The following ARID4A variants were observed in gnomAD, a reference collection of about 807,000 sequenced individuals.
The protein encoded by ARID4A is AT-rich interaction domain 4A.
In ARID4A, 39 loss-of-function variants were observed where a neutral mutation model predicts 148.6. That is an observed-to-expected ratio of 0.26 (90% CI 0.20 to 0.34). ARID4A has a LOEUF of 0.34. Among genes scored for constraint, ARID4A ranks in the 10% least tolerant of loss-of-function variants. The pLI, the probability that ARID4A is intolerant of heterozygous loss-of-function variation, is 1.00. For synonymous variants in ARID4A, 475 were observed against 481.2 expected, an observed-to-expected ratio of 0.99 and a Z score of 0.17; for missense variants, 1,265 against 1,449.1, an observed-to-expected ratio of 0.87 and a Z score of 2.06.
At position 58,304,853 on chromosome 14, in the gene ARID4A, G is replaced by A. The variant is rs916599133; in HGVS notation, c.118-91G>A. ...GGGGTCACCACATGGTGCTAAGAAA[G>A]CATAAATTAAAGACATTATTGTTAT... On this transcript the variant is annotated intron_variant, in intron 3 of 23. Coordinates refer to ENST00000355431, the MANE Select transcript of ARID4A (RefSeq NM_002892.4). The A allele has an allele frequency of 8.2e-6, 9 of 1,091,464 alleles. No homozygotes were observed. In the East Asian group the frequency reaches 1.7e-4, roughly 21 times the overall value. 67.6% of individuals were successfully genotyped at this position (1,091,464 alleles called of 1,614,324 possible).
intron 1 of ARID4A, chr14:58,299,460 C>T (rs1566659420): frequency 5.7e-6 from 1 of 175,194 alleles, no homozygotes; most frequent in African/African-American, 2.4e-5. Flanking sequence ...GCGGTCGTCT[C>T]CGCGGGGGAC....
At chr14:58,305,072 T>C in intron 4 of ARID4A, 63 bp downstream of exon 4, 1 of 1,359,312 alleles carries the variant, frequency 7.4e-7, no homozygotes, top group Non-Finnish European at 1.0e-6. Flanking sequence ...TTTACTGAAT[T>C]TACATTTCTA....
chr14:58,333,444 A>G (rs986385206), intron 11 of ARID4A, among the ~76,000 whole-genome samples: 3 of 152,078 alleles, frequency 2.0e-5, no homozygotes, highest in African/African-American at 7.2e-5. Flanking sequence ...AAACTTGAGT[A>G]TTAAGGGGAA....
chr14:58,355,886 T>C (rs572541646), intron 17 of ARID4A, among the ~76,000 whole-genome samples: 1 of 152,356 alleles, frequency 6.6e-6, no homozygotes, highest in Non-Finnish European at 1.5e-5. Flanking sequence ...ATGTTTTACT[T>C]TATGACTCTT....
In ARID4A at chr14:58,366,078, C is replaced by T. The variant is rs1004262506; in HGVS notation, c.3371C>T (p.Thr1124Ile). 5.6e-6 allele frequency: 9 copies of T among 1,613,544 alleles called. No individual in the cohort carries two copies. In the Admixed American group the frequency reaches 1.2e-4, roughly 21 times the overall value. ...LPVLDNSSKC[T>I]PVKHLNVSKP... ...GTCCTAGACAATTCAAGTAAATGTA[C>T]CCCAGTAAAGCATCTTAATGTATCT... The change falls in exon 22 of 24, where the codon ACC becomes ATC. Residue 1124 changes from threonine (T) to isoleucine (I), a missense_variant. By Grantham distance (89) the Thr-to-Ile change is moderately conservative. Coordinates refer to ENST00000355431, the MANE Select transcript of ARID4A (RefSeq NM_002892.4).
Position 58,351,069 on chromosome 14 carries a change from C to T in ARID4A, c.1405-4C>T. ...TATTTTAAAGCTTTTATCCCCTCTACTAGGGACGAAGGAGAATTGCTCGAG... is the reference window on the plus strand; with the variant it reads ...TATTTTAAAGCTTTTATCCCCTCTATTAGGGACGAAGGAGAATTGCTCGAG... On this transcript the variant is annotated splice_polypyrimidine_tract_variant and splice_region_variant and intron_variant, in intron 15 of 23. Coordinates refer to ENST00000355431, the MANE Select transcript of ARID4A (RefSeq NM_002892.4). 1 of 1,586,542 alleles carries T rather than the reference C, an allele frequency of 6.3e-7. No individual in the cohort carries two copies. Among genetic ancestry groups the T allele is most frequent in the Non-Finnish European group, 8.5e-7 (1 of 1,173,422 alleles).
At chr14:58,365,410 C>T in intron 20 of ARID4A, 108 bp from the exon 21 acceptor site, 1 of 1,344,814 alleles carries the variant, frequency 7.4e-7, no homozygotes, top group Non-Finnish European at 9.9e-7. Context: ...TTTCTCTCTT[C>T]TTTTCTTATT....
At chr14:58,338,049 A>G (rs756375942) in intron 11 of ARID4A, among the ~76,000 whole-genome samples, 14 of 152,208 alleles carry the variant, frequency 9.2e-5, no homozygotes, top group Admixed American at 2.0e-4. Context: ...GTTGAGCTGT[A>G]AGATACATTA....
intron 7 of ARID4A, among the ~76,000 whole-genome samples, chr14:58,319,867 T>C (rs2032741883): frequency 6.6e-6 from 1 of 151,724 alleles, no homozygotes; most frequent in Admixed American, 6.6e-5. Context: ...ATACTCTTTA[T>C]CTAGATTTAC....
chr14:58,367,138 G>A, intron 23 of ARID4A, 109 bp downstream of exon 23: 3 of 856,396 alleles, frequency 3.5e-6, no homozygotes, highest in Non-Finnish European at 4.9e-6. Flanking sequence ...ATTAATTGCT[G>A]TTTTTAAATT....
intron 23 of ARID4A, among the ~76,000 whole-genome samples, chr14:58,371,056 G>A (rs1017286532): frequency 1.3e-5 from 2 of 152,244 alleles, no homozygotes; most frequent in African/African-American, 4.8e-5. Context: ...TTGGGAGGCT[G>A]GAGCAGGAAG....
chr14:58,323,421 C>T (rs2033024123), intron 7 of ARID4A, 64 bp from the exon 8 acceptor site: 3 of 1,546,906 alleles, frequency 1.9e-6, no homozygotes, highest in Admixed American at 1.7e-5. Context: ...ATATTAAATT[C>T]ACAATACTCT....
chr14:58,331,202 A>C (rs564363050), intron 11 of ARID4A: 2 of 152,336 alleles, frequency 1.3e-5, no homozygotes, highest in Admixed American at 1.3e-4. Context: ...GGCTGCCTAC[A>C]GAGTTGCCAT....
At chr14:58,301,401 G>C (rs142476450) in intron 2 of ARID4A, among the ~76,000 whole-genome samples, 179 bp from the exon 3 acceptor site, 240 of 152,170 alleles carry the variant, frequency 1.6e-3, no homozygotes, top group African/African-American at 5.4e-3. Flanking sequence ...CAGGACATCA[G>C]TCTATAAAAT....
chr14:58,343,398 A>G (rs2140224970), intron 11 of ARID4A, among the ~76,000 whole-genome samples: 1 of 152,310 alleles, frequency 6.6e-6, no homozygotes, highest in African/African-American at 2.4e-5. Context: ...ATTTTGATCA[A>G]CTACATGCTT....
chr14:58,364,379 G>C lies in ARID4A; in HGVS notation c.2290G>C (p.Glu764Gln), dbSNP rs186386352. ...PLETLKLEVG[E>Q]NEQIVQIFGN... ...AGAAACCCTGAAGTTAGAAGTTGGA[G>C]AGAATGAACAAATAGTACAGATTTT... is the stretch of plus-strand genomic sequence containing the variant. Residue 764 changes from glutamate to glutamine, a missense_variant, in exon 20 of 24, where the codon GAG becomes CAG. Transcript: ENST00000355431. The C allele has an allele frequency of 6.2e-7, 1 of 1,603,002 alleles. No homozygotes were observed. The highest frequency in any genetic ancestry group is 2.2e-5 in the East Asian group (1 of 44,718).
intron 8 of ARID4A, among the ~76,000 whole-genome samples, chr14:58,326,914 CTT>C (rs1240732277): frequency 6.6e-6 from 1 of 152,020 alleles, no homozygotes; most frequent in African/African-American, 2.4e-5. Flanking sequence ...TTTTGTGTAT[CTT>C]TTTATGTTTG....
rs556012140 is a variant in ARID4A at position 58,325,566 on chromosome 14, C to T, written c.582+1949C>T. 3.9e-5 allele frequency among the ~76,000 whole-genome samples: 6 copies of T among 152,270 alleles called. No homozygotes were observed. In the South Asian group the frequency reaches 1.2e-3, roughly 32 times the overall value. On this transcript the variant is annotated intron_variant, in intron 8 of 23. Coordinates refer to ENST00000355431, the MANE Select transcript of ARID4A (RefSeq NM_002892.4). The stretch of plus-strand genomic sequence containing the variant: ...AGGTGCTGGAATCACAGGTGTGAGC[C>T]ACTGCGCCTGGCCCTAAATATTCTT...
chr14:58,365,784 T>C (rs772866722), intron 21 of ARID4A, among the ~76,000 whole-genome samples, 162 bp downstream of exon 21: 1 of 152,218 alleles, frequency 6.6e-6, no homozygotes, highest in Non-Finnish European at 1.5e-5. Context: ...TTAGGAACTC[T>C]AGCTCATTCT....
Sources: gnomAD v4.1 joint callset for allele counts (sites outside exome capture counted in the v4.1 genomes callset) on GRCh38, gnomAD v4.1.1 for gene constraint, MANE v1.5 for transcripts, NCBI Gene and HGNC (gene_info 2026-07-23, HGNC 2026-07-21) for gene names.